The following SLIT1 variants were observed in gnomAD, a reference collection of about 807,000 sequenced individuals.
SLIT1 encodes the protein slit guidance ligand 1.
In SLIT1, 66 loss-of-function variants were observed where a neutral mutation model predicts 186.1. The observed-to-expected ratio is 0.35, with a 90% CI of 0.29 to 0.44. SLIT1 has a LOEUF of 0.44. Ranked by LOEUF, SLIT1 falls within the 20% of genes least tolerant of loss-of-function variation. SLIT1 has a pLI of 1.00. For synonymous variants in SLIT1, 761 were observed against 833.8 expected, an observed-to-expected ratio of 0.91 and a Z score of 1.50; for missense variants, 1,638 against 2,037.4, an observed-to-expected ratio of 0.80 and a Z score of 3.77.
intron 4 of SLIT1, among the ~76,000 whole-genome samples, chr10:97,130,846 G>T (rs1849646411): frequency 1.3e-5 from 2 of 152,144 alleles, no homozygotes; most frequent in African/African-American, 4.8e-5. Context: ...TGGGGGAGGG[G>T]GTTGCCATTC....
At chr10:97,064,995 G>A (rs1161651622) in intron 5 of SLIT1, 119 bp from the exon 6 acceptor site, 3 of 586,046 alleles carry the variant, frequency 5.1e-6, no homozygotes, top group Non-Finnish European at 2.9e-6. Flanking sequence ...CGTTTGTTAT[G>A]TGTATATGTG....
chr10:97,057,497 C>T (rs1474250886), intron 11 of SLIT1, among the ~76,000 whole-genome samples: 3 of 152,262 alleles, frequency 2.0e-5, no homozygotes, highest in Admixed American at 1.3e-4. Context: ...GCCCTATGGG[C>T]TAGAGATGCC....
In SLIT1 at chr10:97,001,163, A is replaced by G; in HGVS notation, c.4554T>C (p.Phe1518=). The G allele has an allele frequency of 1.2e-6, 2 of 1,613,230 alleles. No homozygotes were observed. Among genetic ancestry groups the G allele is most frequent in the Non-Finnish European group, 1.7e-6 (2 of 1,179,854 alleles). ...TGGTGGGCTTTTCCACCTCCTCGGC[A>G]AAAGAGGTCCCATCGCTGCACTCAA... The part of the protein sequence containing the change: ...FTFECSDGTS[F]AEEVEKPTKC... Residue 1518 remains phenylalanine, a synonymous_variant, in exon 37 of 37, where the codon TTT becomes TTC. Coordinates refer to ENST00000266058, the MANE Select transcript of SLIT1 (RefSeq NM_003061.3).
At chr10:97,071,227 C>A (rs1157005911) in intron 4 of SLIT1, among the ~76,000 whole-genome samples, 1 of 152,172 alleles carries the variant, frequency 6.6e-6, no homozygotes, top group African/African-American at 2.4e-5. Context: ...ACAGACACAG[C>A]CTGCCACCTT....
intron 4 of SLIT1, among the ~76,000 whole-genome samples, chr10:97,077,552 T>C (rs999703576): frequency 6.6e-6 from 1 of 152,220 alleles, no homozygotes; most frequent in Non-Finnish European, 1.5e-5. Context: ...CACCAACTGA[T>C]GCCTCTTTGG....
intron 4 of SLIT1, among the ~76,000 whole-genome samples, chr10:97,086,878 G>C (rs1481267957): frequency 2.0e-5 from 3 of 152,122 alleles, no homozygotes; most frequent in Non-Finnish European, 2.9e-5. Context: ...GCAACACCAA[G>C]AGTGAACCCT....
intron 22 of SLIT1, 48 bp from the exon 23 acceptor site, chr10:97,034,590 T>TGAATGTGAGCCAG: frequency 6.6e-7 from 1 of 1,509,890 alleles, no homozygotes; most frequent in Non-Finnish European, 9.2e-7. Context: ...CACTCAGCCC[T>TGAATGTGAGCCAG]GGCTCACATT....
intron 4 of SLIT1, among the ~76,000 whole-genome samples, chr10:97,155,614 T>G (rs182492659): frequency 2.0e-5 from 3 of 152,242 alleles, no homozygotes; most frequent in African/African-American, 7.2e-5. Flanking sequence ...AGAGTGAAAG[T>G]GGGCACCCAG....
intron 25 of SLIT1, among the ~76,000 whole-genome samples, chr10:97,030,048 G>C (rs551691228): frequency 6.6e-6 from 1 of 152,244 alleles, no homozygotes; most frequent in East Asian, 1.9e-4. Flanking sequence ...TTCCAGTTCG[G>C]GGTTATTATG....
chr10:97,113,301 G>A (rs3000214), intron 4 of SLIT1, among the ~76,000 whole-genome samples: 94,766 of 151,878 alleles, frequency 0.62, 30,413 homozygotes, highest in Admixed American at 0.7. Flanking sequence ...GCCCAGGCTG[G>A]AGTGCAGTGG....
chr10:97,121,524 A>G (rs929289170), intron 4 of SLIT1, among the ~76,000 whole-genome samples: 3 of 152,182 alleles, frequency 2.0e-5, no homozygotes, highest in African/African-American at 7.2e-5. Flanking sequence ...TTATTAACCT[A>G]TTTACAGATT....
chr10:97,092,371 T>C lies in SLIT1; in HGVS notation c.414-26285A>G, dbSNP rs138270396. Among the ~76,000 whole-genome samples the C allele has an allele frequency of 2.2e-3, 338 of 152,364 alleles. 1 individual carries two copies. Among genetic ancestry groups the C allele is most frequent in the African/African-American group, 7.5e-3 (310 of 41,578 alleles). The stretch of plus-strand genomic sequence containing the variant: ...ATGCACTCATCTCCAAGCACTTGCA[T>C]AGGTTAGCCTGCTAAAGTGGGCCCA... On this transcript the variant is annotated intron_variant, in intron 4 of 36. Coordinates refer to ENST00000266058, the MANE Select transcript of SLIT1 (RefSeq NM_003061.3).
intron 4 of SLIT1, among the ~76,000 whole-genome samples, chr10:97,143,923 C>T (rs991084683): frequency 3.3e-5 from 5 of 152,170 alleles, no homozygotes; most frequent in Non-Finnish European, 7.3e-5. Flanking sequence ...ACAGGCTGAG[C>T]GCAGTGGCTC....
chr10:97,055,100 C>CT (rs1474800215), intron 13 of SLIT1, among the ~76,000 whole-genome samples: 17 of 152,052 alleles, frequency 1.1e-4, no homozygotes, highest in African/African-American at 3.6e-4. Context: ...GCCTGTAATC[C>CT]CAGCTACTTC....
intron 1 of SLIT1, among the ~76,000 whole-genome samples, chr10:97,176,839 A>G (rs1850263031): frequency 1.3e-5 from 2 of 151,922 alleles, no homozygotes; most frequent in African/African-American, 4.8e-5. Flanking sequence ...ACTGTCAAAC[A>G]CAGGATAGGA....
chr10:97,003,421 A>G (rs923183378), intron 34 of SLIT1, among the ~76,000 whole-genome samples: 2 of 152,160 alleles, frequency 1.3e-5, no homozygotes, highest in Non-Finnish European at 2.9e-5. Context: ...AGCCCTCTGA[A>G]GTAGGGCTTG....
intron 4 of SLIT1, among the ~76,000 whole-genome samples, chr10:97,141,837 G>A (rs1250870487): frequency 6.6e-6 from 1 of 152,052 alleles, no homozygotes; most frequent in East Asian, 1.9e-4. Flanking sequence ...AAGTCATGCA[G>A]GTTGAAATGC....
At chr10:97,084,121 A>C (rs1849133064) in intron 4 of SLIT1, among the ~76,000 whole-genome samples, 1 of 152,200 alleles carries the variant, frequency 6.6e-6, no homozygotes, top group Non-Finnish European at 1.5e-5. Context: ...AGACAGGCAG[A>C]GGGTGGGTGG....
chr10:97,106,732 C>T (rs1163428041), intron 4 of SLIT1, among the ~76,000 whole-genome samples: 1 of 151,544 alleles, frequency 6.6e-6, no homozygotes, highest in East Asian at 1.9e-4. Context: ...AGGCTATGAT[C>T]TTTGTGCTGC....
Sources: allele counts gnomAD v4.1 joint callset (sites outside exome capture counted in the v4.1 genomes callset), GRCh38; gene constraint gnomAD v4.1.1; transcripts MANE v1.5; gene names NCBI Gene and HGNC (gene_info 2026-07-23, HGNC 2026-07-21).